The following ZNF558 variants were observed in gnomAD, a reference collection of about 807,000 sequenced individuals.
ZNF558 encodes the protein zinc finger protein 558.
ZNF558 carries 23 observed loss-of-function variants against 37.6 expected under a neutral mutation model. That is an observed-to-expected ratio of 0.61 (90% confidence interval 0.44 to 0.87). ZNF558 has a LOEUF of 0.87. Among genes scored for constraint, ZNF558 ranks in the 40% least tolerant of loss-of-function variants. The pLI, the probability that ZNF558 is intolerant of heterozygous loss-of-function variation, is 0.00. For synonymous variants in ZNF558, 189 were observed against 174.4 expected, an observed-to-expected ratio of 1.08 and a Z score of -0.66; for missense variants, 429 against 483.7, an observed-to-expected ratio of 0.89 and a Z score of 1.06.
intron 7 of ZNF558, 54 bp downstream of exon 7, chr19:8,821,126 G>A: frequency 1.9e-6 from 3 of 1,586,780 alleles, no homozygotes; most frequent in Middle Eastern, 1.7e-4. Flanking sequence ...AGCAAAGCAG[G>A]CAAGTGTTGC....
chr19:8,821,429 G>C (rs1319577991), intron 6 of ZNF558, 123 bp from the exon 7 acceptor site: 2 of 1,578,852 alleles, frequency 1.3e-6, no homozygotes, highest in African/African-American at 2.7e-5. Flanking sequence ...GGGGGGGGTG[G>C]TTCTGAGCTC....
At position 8,807,298 on chromosome 19, in the gene ZNF558, T is replaced by C. The variant is rs1334205374; in HGVS notation, c.*3983A>G. 6.6e-6 allele frequency: 1 copy of C among 152,432 alleles called. No individual in the cohort carries two copies. The highest frequency in any genetic ancestry group is 6.5e-5 in the Admixed American group (1 of 15,282). The allele number at this position is 152,432 out of a possible 1,614,324, so 9.4% of individuals were successfully genotyped here. A position where few individuals can be genotyped will look rare whatever the true frequency, so the allele number is the denominator to read the frequency against. On this transcript the variant is annotated 3_prime_UTR_variant, in exon 10 of 10. Coordinates refer to ENST00000601372, the MANE Select transcript of ZNF558 (RefSeq NM_144693.3). ...GTGTTAGAGCTCTGCCCTGCTAAGC[T>C]GCTGGGTGCTTTACAACTTTTTGTG...
At chr19:8,815,111 T>C (rs187646648) in intron 7 of ZNF558, among the ~76,000 whole-genome samples, 1 of 152,170 alleles carries the variant, frequency 6.6e-6, no homozygotes, top group East Asian at 1.9e-4. Flanking sequence ...GTTGGGCCCA[T>C]TACAAGAAAA....
chr19:8,833,241 G>A (rs1220662820), upstream of ZNF558: 1 of 152,174 alleles, frequency 6.6e-6, no homozygotes, highest in African/African-American at 2.4e-5. Context: ...CAACCCAATA[G>A]GATCAGATTA....
At chr19:8,838,011 G>T in the ZNF558 span, among the ~76,000 whole-genome samples, 5 of 151,946 alleles carry the variant, frequency 3.3e-5, no homozygotes, top group African/African-American at 4.8e-5. Context: ...CACTTTGGGA[G>T]GCCGAGGCGG....
intron 7 of ZNF558, among the ~76,000 whole-genome samples, chr19:8,814,386 A>G (rs2043876396): frequency 1.3e-5 from 2 of 152,314 alleles, no homozygotes; most frequent in Middle Eastern, 3.4e-3. Context: ...AACACACGTG[A>G]TCGACAGATG....
In ZNF558 at chr19:8,819,712, C is replaced by T. The variant is rs772553131; in HGVS notation, c.247+1468G>A. The stretch of plus-strand genomic sequence containing the variant: ...CAGCACTTTGGGAGGCCAAGGCAGG[C>T]GGATCATTTGAGGCCAGGAGTTTGA... On this transcript the variant is annotated intron_variant, in intron 7 of 9. Transcript: ENST00000601372. 3.9e-5 allele frequency among the ~76,000 whole-genome samples: 6 copies of T among 152,106 alleles called. 1 individual carries two copies. The highest frequency in any genetic ancestry group is 4.2e-4 in the South Asian group (2 of 4,806).
In ZNF558 at chr19:8,822,980, CG is replaced by C; in HGVS notation, c.-65-257del. Reference sequence around the variant, plus strand: ...AGAACCTCGGCTTCACGCAGTCTCACGGCATGTTCTTCCCATCCAAGCGCAC... The same window carrying C: ...AGAACCTCGGCTTCACGCAGTCTCACGCATGTTCTTCCCATCCAAGCGCAC... On this transcript the variant is annotated intron_variant, in intron 4 of 9. Transcript: ENST00000601372. The surrounding 1 kb of genome is among the most constrained non-coding windows in gnomAD (Gnocchi z 4.4). 2 of 383,060 alleles carry C rather than the reference CG, an allele frequency of 5.2e-6. No homozygotes were observed. Among genetic ancestry groups the C allele is most frequent in the South Asian group, 6.4e-5 (2 of 31,276 alleles). 23.7% of individuals were successfully genotyped at this position (383,060 alleles called of 1,614,324 possible). A position where few individuals can be genotyped will look rare whatever the true frequency, so the allele number is the denominator to read the frequency against.
At chr19:8,834,353 T>G (rs2044429940), upstream of ZNF558, among the ~76,000 whole-genome samples, 1 of 152,102 alleles carries the variant, frequency 6.6e-6, no homozygotes, top group African/African-American at 2.4e-5. Flanking sequence ...CTCACGCCTG[T>G]AACCCCAGCA....
At position 8,811,527 on chromosome 19, in the gene ZNF558, T is replaced by C; in HGVS notation, c.963A>G (p.Glu321=). Residue 321 remains glutamate, a synonymous_variant, in exon 10 of 10, where the codon GAA becomes GAG. Transcript: ENST00000601372. The stretch of plus-strand genomic sequence containing the variant: ...TGAAGGATTTCCCACACTCGTTACA[T>C]TCATAGGGTTTTTCTCCAGTATGAG... ...VRTHTGEKPY[E]CNECGKSFSS... 1 of 1,614,168 alleles carries C rather than the reference T, an allele frequency of 6.2e-7. No individual in the cohort carries two copies. Among genetic ancestry groups the C allele is most frequent in the Non-Finnish European group, 8.5e-7 (1 of 1,180,008 alleles).
At chr19:8,819,030 C>T (rs1408574730) in intron 7 of ZNF558, among the ~76,000 whole-genome samples, 2 of 152,198 alleles carry the variant, frequency 1.3e-5, no homozygotes, top group East Asian at 3.8e-4. Context: ...AAATCTATCA[C>T]ACAGCTGAGT....
chr19:8,816,555 T>C (rs1196759132), intron 7 of ZNF558, among the ~76,000 whole-genome samples: 1 of 152,174 alleles, frequency 6.6e-6, no homozygotes, highest in Non-Finnish European at 1.5e-5. Flanking sequence ...AAGAATTCTA[T>C]ATCTGGCAAA....
At chr19:8,828,188 T>A (rs910825496) in intron 2 of ZNF558, among the ~76,000 whole-genome samples, 1 of 152,172 alleles carries the variant, frequency 6.6e-6, no homozygotes, top group Non-Finnish European at 1.5e-5. Context: ...ATGGAACTTG[T>A]TAAACAGGAA....
chr19:8,822,588 C>T lies in ZNF558; in HGVS notation c.31+41G>A. 1.2e-6 allele frequency: 2 copies of T among 1,613,886 alleles called. No individual in the cohort carries two copies. Among genetic ancestry groups the T allele is most frequent in the Non-Finnish European group, 1.7e-6 (2 of 1,179,816 alleles). On this transcript the variant is annotated intron_variant, in intron 5 of 9. Coordinates refer to ENST00000601372, the MANE Select transcript of ZNF558 (RefSeq NM_144693.3). The surrounding 1 kb of genome is among the most constrained non-coding windows in gnomAD (Gnocchi z 4.4). ...TCCCATGCTGTGGGTCAGAACCTTT[C>T]AAGGCTGGACTCTGAGAAATGTCAG...
At chr19:8,829,572 G>A (rs1297513371) in intron 2 of ZNF558, among the ~76,000 whole-genome samples, 1 of 152,122 alleles carries the variant, frequency 6.6e-6, no homozygotes, top group East Asian at 1.9e-4. Flanking sequence ...CCTGTTAGAA[G>A]GTAAACTTTA....
chr19:8,822,185 G>A lies in ZNF558; in HGVS notation c.32-94C>T, dbSNP rs529670698. ...CCACACCCACCTCCCACACCCACAC[G>A]GATGAGGCACCACACAGTGCCCACC... On this transcript the variant is annotated intron_variant, in intron 5 of 9. Coordinates refer to ENST00000601372, the MANE Select transcript of ZNF558 (RefSeq NM_144693.3). This position sits in a 1 kb window ranked among gnomAD's most constrained non-coding sequence, Gnocchi z 4.4. The A allele has an allele frequency of 8.4e-5, 125 of 1,485,220 alleles. No individual in the cohort carries two copies. In the African/African-American group the frequency reaches 1.5e-3, roughly 18 times the overall value. The allele number at this position is 1,485,220 out of a possible 1,614,324, so 92.0% of individuals were successfully genotyped here. A position where few individuals can be genotyped will look rare whatever the true frequency, so the allele number is the denominator to read the frequency against.
rs1331892581 is a variant in ZNF558, at chr19:8,806,286, T to C, written c.*4995A>G. The C allele has an allele frequency of 6.6e-6, 1 of 152,222 alleles. No homozygotes were observed. The highest frequency in any genetic ancestry group is 1.9e-4 in the East Asian group (1 of 5,198). The allele number at this position is 152,222 out of a possible 1,614,324, so 9.4% of individuals were successfully genotyped here. ...ATATTTACTTGCATCTTATGTTTCC[T>C]GTTGATCTTAATTCCTGGAATTATG... On this transcript the variant is annotated 3_prime_UTR_variant, in exon 10 of 10. Coordinates refer to ENST00000601372, the MANE Select transcript of ZNF558 (RefSeq NM_144693.3).
At chr19:8,826,875 C>G (rs2145292063) in intron 2 of ZNF558, among the ~76,000 whole-genome samples, 1 of 152,290 alleles carries the variant, frequency 6.6e-6, no homozygotes, top group East Asian at 1.9e-4. Context: ...GTGAGTTCAG[C>G]AGACCCAGGC....
chr19:8,821,306 C>G lies in ZNF558; in HGVS notation c.121G>C (p.Gly41Arg). ...GCCACATCCTCGAAGGTTACCAAGCCCTAAAGCATTGCAAACATCACGGCT... is the reference window on the plus strand; with the variant it reads ...GCCACATCCTCGAAGGTTACCAAGCGCTAAAGCATTGCAAACATCACGGCT... Reference protein sequence around the residue: ...VNELLTSWLRGLVTFEDVAVE... With the variant: ...VNELLTSWLRRLVTFEDVAVE... Residue 41 changes from glycine to arginine, a missense_variant and splice_region_variant, in exon 7 of 10, where the codon GGC becomes CGC. Coordinates refer to ENST00000601372, the MANE Select transcript of ZNF558 (RefSeq NM_144693.3). 6.2e-7 allele frequency: 1 copy of G among 1,614,128 alleles called. No individual in the cohort carries two copies. Among genetic ancestry groups the G allele is most frequent in the Non-Finnish European group, 8.5e-7 (1 of 1,180,036 alleles).
Sources: gnomAD v4.1 joint callset for allele counts (sites outside exome capture counted in the v4.1 genomes callset) on GRCh38, gnomAD v4.1.1 for gene constraint, Gnocchi (gnomAD v3.1) non-coding constraint, MANE v1.5 for transcripts, NCBI Gene and HGNC (gene_info 2026-07-23, HGNC 2026-07-21) for gene names.